The following NDUFAF6 variants were observed in gnomAD, a reference collection of about 807,000 sequenced individuals.
The protein encoded by NDUFAF6 is NADH dehydrogenase (ubiquinone) complex I, assembly factor 6.
In NDUFAF6, 45 loss-of-function variants were observed where a neutral mutation model predicts 40.8. The ratio of observed to expected loss-of-function variants is 1.10; its 90% CI spans 0.87 to 1.42. The LOEUF is 1.42. Among genes scored for constraint, NDUFAF6 ranks in the 40% most tolerant of loss-of-function variants. The probability of loss-of-function intolerance (pLI) is 0.00; values close to 1 mark genes in which losing one functional copy is unlikely to be tolerated. For missense variants in NDUFAF6, 435 were observed against 418.5 expected, an observed-to-expected ratio of 1.04 and a Z score of -0.34; for synonymous variants, 185 against 155.9, an observed-to-expected ratio of 1.19 and a Z score of -1.39.
intron 8 of NDUFAF6, among the ~76,000 whole-genome samples, chr8:95,057,479 A>C (rs1165337044): frequency 1.3e-5 from 2 of 152,168 alleles, no homozygotes; most frequent in Non-Finnish European, 2.9e-5. Context: ...TCCCTGATTG[A>C]AACAGCCTGT....
At position 95,035,421 on chromosome 8, in the gene NDUFAF6, G is replaced by A. The variant is rs200150135; in HGVS notation, c.298-33G>A. 1.6e-4 allele frequency: 261 copies of A among 1,611,378 alleles called. 1 individual carries two copies. The highest frequency in any genetic ancestry group is 2.2e-4 in the Non-Finnish European group (256 of 1,178,126). ...ACTGATTTTTTAGACAGTAGACAAT[G>A]CATTTGCTAAAGTTTTTAAACCCTG... On this transcript the variant is annotated intron_variant, in intron 2 of 8. Transcript: ENST00000396124.
chr8:95,032,095 G>A lies in NDUFAF6; in HGVS notation c.297+1G>A. 1 of 1,613,196 alleles carries A rather than the reference G, an allele frequency of 6.2e-7. No homozygotes were observed. Reference sequence around the variant, plus strand: ...GGCCTTTAATGTGGAACTGGCTCAGGCTGGTATTAAGATACCTTAAAATAT... The same window carrying A: ...GGCCTTTAATGTGGAACTGGCTCAGACTGGTATTAAGATACCTTAAAATAT... On this transcript the variant is annotated splice_donor_variant, in intron 2 of 8. Transcript: ENST00000396124. LOFTEE classifies it high-confidence loss of function.
intron 1 of NDUFAF6, chr8:94,940,960 A>C: frequency 6.3e-7 from 1 of 1,590,976 alleles, no homozygotes; most frequent in Admixed American, 1.7e-5. Context: ...CAAGACTGAG[A>C]GTTTGGCTGG....
rs779578273 is a variant in NDUFAF6 at position 94,940,220 on chromosome 8, TC to T, written c.-935-5262del. ...TTCTGCTGAGAAACCAGTGCAAGTA[TC>T]TAGATCGTAGTCCACATTGCAGTCC... is the stretch of plus-strand genomic sequence containing the variant. On this transcript the variant is annotated intron_variant, in intron 1 of 14. Transcript: ENST00000396113. 2.5e-5 allele frequency: 40 copies of T among 1,603,834 alleles called. No homozygotes were observed. The African/African-American group carries it at 3.6e-4, about 14-fold the overall frequency.
At chr8:95,023,840 A>G (rs1197109725), upstream of NDUFAF6, among the ~76,000 whole-genome samples, 1 of 152,068 alleles carries the variant, frequency 6.6e-6, no homozygotes, top group Non-Finnish European at 1.5e-5. Context: ...AAAAGACAAA[A>G]ATTAGCTGGA....
intron 4 of NDUFAF6, among the ~76,000 whole-genome samples, chr8:95,113,517 G>A (rs1050095239): frequency 6.6e-6 from 1 of 152,192 alleles, no homozygotes; most frequent in Non-Finnish European, 1.5e-5. Context: ...TTGTATCCAG[G>A]TTCCGGGAGG....
chr8:95,005,216 C>T (rs926145182), intron 2 of NDUFAF6, among the ~76,000 whole-genome samples: 12 of 151,802 alleles, frequency 7.9e-5, no homozygotes, highest in Admixed American at 2.0e-4. Context: ...TGATATAGGC[C>T]GAACGTACAG....
intron 1 of NDUFAF6, chr8:94,940,750 G>C (rs1821451490): frequency 2.6e-5 from 28 of 1,063,822 alleles, no homozygotes; most frequent in Non-Finnish European, 3.9e-5. Flanking sequence ...TCAGTTATTG[G>C]TTTCCTTATG....
At chr8:94,943,078 T>C (rs967407064) in intron 1 of NDUFAF6, among the ~76,000 whole-genome samples, 3 of 152,154 alleles carry the variant, frequency 2.0e-5, no homozygotes, top group African/African-American at 7.2e-5. Context: ...TGCAAAATAA[T>C]GCAGTTGGAG....
intron 1 of NDUFAF6, among the ~76,000 whole-genome samples, chr8:94,923,630 A>C (rs940417206): frequency 4.6e-5 from 7 of 150,876 alleles, no homozygotes; most frequent in African/African-American, 1.7e-4. Context: ...GTGTTTTCTT[A>C]TATTCCTTTC....
intron 5 of NDUFAF6, among the ~76,000 whole-genome samples, chr8:95,115,963 A>G (rs1307805077): frequency 1.3e-5 from 2 of 151,872 alleles, no homozygotes; most frequent in African/African-American, 2.4e-5. Context: ...CATGGTGAAA[A>G]CCCGTCTCTA....
intron 1 of NDUFAF6, among the ~76,000 whole-genome samples, chr8:94,936,063 A>G (rs1330848785): frequency 6.6e-6 from 1 of 152,208 alleles, no homozygotes; most frequent in African/African-American, 2.4e-5. Flanking sequence ...TTATGGCAAA[A>G]GACTGTGAAC....
chr8:94,912,807 C>T (rs1207373498), intron 1 of NDUFAF6, among the ~76,000 whole-genome samples: 3 of 89,472 alleles, frequency 3.4e-5, no homozygotes, highest in African/African-American at 8.4e-5. Context: ...AGCAAGACTC[C>T]GTCTCAAAAA....
intron 1 of NDUFAF6, chr8:94,974,769 T>A (rs1824780425): frequency 5.6e-6 from 1 of 179,646 alleles, no homozygotes; most frequent in Non-Finnish European, 1.2e-5. Flanking sequence ...CCGCTCCCAG[T>A]GTATCAGTAG....
At chr8:94,994,956 A>G (rs1449596867) in intron 2 of NDUFAF6, among the ~76,000 whole-genome samples, 4 of 152,236 alleles carry the variant, frequency 2.6e-5, no homozygotes, top group Non-Finnish European at 4.4e-5. Context: ...AAGTAGTACT[A>G]TCATATGATC....
At chr8:94,936,930 A>G (rs1821036691) in intron 1 of NDUFAF6, among the ~76,000 whole-genome samples, 1 of 152,152 alleles carries the variant, frequency 6.6e-6, no homozygotes, top group African/African-American at 2.4e-5. Flanking sequence ...AAAGAGACAG[A>G]CTACTGATGA....
chr8:94,920,155 G>A (rs956203073), intron 1 of NDUFAF6, among the ~76,000 whole-genome samples: 12 of 152,130 alleles, frequency 7.9e-5, no homozygotes, highest in African/African-American at 2.7e-4. Context: ...AAGTGTGTGT[G>A]TATATCTATA....
chr8:94,999,338 C>G (rs145020807), intron 2 of NDUFAF6, among the ~76,000 whole-genome samples: 1,535 of 152,042 alleles, frequency 0.01, 29 homozygotes, highest in African/African-American at 0.035. Context: ...TGGCCAGGAT[C>G]GTCTCGATCT....
intron 2 of NDUFAF6, chr8:95,034,111 A>G: frequency 2.2e-6 from 1 of 457,696 alleles, no homozygotes; most frequent in Non-Finnish European, 4.4e-6. Context: ...AAGTAACTTC[A>G]CATATGGAAA....
Sources: gnomAD v4.1 joint callset for allele counts (sites outside exome capture counted in the v4.1 genomes callset) on GRCh38, gnomAD v4.1.1 for gene constraint, MANE v1.5 for transcripts, NCBI Gene and HGNC (gene_info 2026-07-23, HGNC 2026-07-21) for gene names.